Variants in ALDH1L1 observed in about 807,000 individuals in gnomAD.
ALDH1L1 encodes cytosolic 10-formyltetrahydrofolate dehydrogenase.
In ALDH1L1, 68 loss-of-function variants were observed where a neutral mutation model predicts 101.1. That is an observed-to-expected ratio of 0.67 (90% CI 0.55 to 0.82). The LOEUF (loss-of-function observed/expected upper bound fraction) is 0.82, where lower values mean the gene tolerates loss of function less well. Ranked by LOEUF, ALDH1L1 falls within the 40% of genes least tolerant of loss-of-function variation. ALDH1L1 has a pLI of 0.00. For missense variants in ALDH1L1, 1,087 were observed against 1,172.7 expected (o/e 0.93, Z 1.07); for synonymous variants, 486 against 470.8 (o/e 1.03, Z -0.42).
rs2081031550 is a variant in ALDH1L1 at position 126,160,865 on chromosome 3, C to G, written c.115G>C (p.Ala39Pro). The G allele has an allele frequency of 4.3e-6, 7 of 1,614,082 alleles. No individual in the cohort carries two copies. Among genetic ancestry groups the G allele is most frequent in the Non-Finnish European group, 5.9e-6 (7 of 1,179,942 alleles). The part of the protein sequence containing the change: ...VFTVPDKDGK[A>P]DPLGLEAEKD... Reference sequence around the variant, plus strand: ...TTGGCTCACTCACCCAGGGGGTCGGCCTTTCCATCCTTGTCTGGAACAGTG... The same window carrying G: ...TTGGCTCACTCACCCAGGGGGTCGGGCTTTCCATCCTTGTCTGGAACAGTG... The change falls in exon 2 of 23, where the codon GCC becomes CCC. Residue 39 changes from alanine (A) to proline (P), a missense_variant. Physicochemically the swap from Ala to Pro is conservative, Grantham distance 27. Around this residue, in one of 2 missense-constraint regions of ALDH1L1, gnomAD observed 645 missense variants for 637.0 expected, o/e 1.01. Coordinates refer to ENST00000393434, the MANE Select transcript of ALDH1L1 (RefSeq NM_012190.4).
At chr3:126,130,168 G>C (rs1373816160) in intron 14 of ALDH1L1, 55 bp downstream of exon 14, 2 of 1,515,800 alleles carry the variant, frequency 1.3e-6, no homozygotes, top group Non-Finnish European at 1.8e-6. Context: ...CTACAGTTCC[G>C]TGTACTGCAT....
chr3:126,153,590 G>A lies in ALDH1L1; in HGVS notation c.721-9C>T, dbSNP rs960938746. Reference sequence around the variant, plus strand: ...TTGAAAAATGTCAGTTTCTGTCAAGGGGAGAAATATCAGAAGATGGTGGGT... The same window carrying A: ...TTGAAAAATGTCAGTTTCTGTCAAGAGGAGAAATATCAGAAGATGGTGGGT... On this transcript the variant is annotated splice_polypyrimidine_tract_variant and intron_variant, in intron 6 of 22. Transcript: ENST00000393434. 1 of 1,609,604 alleles carries A rather than the reference G, an allele frequency of 6.2e-7. No individual in the cohort carries two copies. Among genetic ancestry groups the A allele is most frequent in the African/African-American group, 1.3e-5 (1 of 74,898 alleles).
At chr3:126,186,548 C>G (rs1394795134) in intron 1 of ALDH1L1, among the ~76,000 whole-genome samples, 1 of 152,204 alleles carries the variant, frequency 6.6e-6, no homozygotes, top group African/African-American at 2.4e-5. Flanking sequence ...GTGTGGAGAA[C>G]TTCATGGAAC....
At position 126,153,493 on chromosome 3, in the gene ALDH1L1, C is replaced by T; in HGVS notation, c.809G>A (p.Gly270Glu). ...GATGAGTCCTGCTTTGGTGACCACCCCTGGCCGATGGGCTCCTGGGATGGG... is the reference window on the plus strand; with the variant it reads ...GATGAGTCCTGCTTTGGTGACCACCTCTGGCCGATGGGCTCCTGGGATGGG... The part of the protein sequence containing the change: ...ALPIPGAHRP[G>E]VVTKAGLILF... The change falls in exon 7 of 23, where the codon GGG becomes GAG. Residue 270 changes from glycine (G) to glutamate (E), a missense_variant. Gly to Glu is a moderately conservative substitution (Grantham distance 98, BLOSUM62 -2). Transcript: ENST00000393434. 1 of 1,614,192 alleles carries T rather than the reference C, an allele frequency of 6.2e-7. No individual in the cohort carries two copies. Among genetic ancestry groups the T allele is most frequent in the Non-Finnish European group, 8.5e-7 (1 of 1,180,042 alleles).
chr3:126,126,629 G>T (rs2080192353), intron 14 of ALDH1L1, among the ~76,000 whole-genome samples: 1 of 152,216 alleles, frequency 6.6e-6, no homozygotes, highest in African/African-American at 2.4e-5. Context: ...ACGGGCTGCT[G>T]AGTGTTCCCA....
intron 4 of ALDH1L1, chr3:126,156,353 C>G (rs1382568600): frequency 5.3e-5 from 8 of 152,242 alleles, no homozygotes; most frequent in Admixed American, 1.3e-4. Context: ...TTTTTGTGAG[C>G]TGGTCAATCT....
chr3:126,122,068 C>A (rs181250964), intron 16 of ALDH1L1, among the ~76,000 whole-genome samples: 1 of 152,250 alleles, frequency 6.6e-6, no homozygotes, highest in East Asian at 1.9e-4. Flanking sequence ...GAGTGTCAAC[C>A]CAGAATCTTA....
chr3:126,197,320 A>G (rs1161657676), intron 1 of ALDH1L1, among the ~76,000 whole-genome samples: 1 of 152,202 alleles, frequency 6.6e-6, no homozygotes, highest in African/African-American at 2.4e-5. Flanking sequence ...TACCTAAAAC[A>G]TTGGCTTTAC....
rs934612679 is a variant in ALDH1L1, at chr3:126,174,076, T to C, written c.-24+6400A>G. Among the ~76,000 whole-genome samples the C allele has an allele frequency of 2.0e-5, 3 of 152,212 alleles. No individual in the cohort carries two copies. In the South Asian group the frequency reaches 6.2e-4, roughly 32 times the overall value. On this transcript the variant is annotated intron_variant, in intron 1 of 22. Transcript: ENST00000393434. ...TTGGGGGGGCGGAGTTTCACTCTTG[T>C]TGCCCAGGCTGGAGTGCAGTGGCAC...
Position 126,136,859 on chromosome 3 carries a change from T to C in ALDH1L1, c.1249A>G (p.Thr417Ala). 2 of 1,613,050 alleles carry C rather than the reference T, an allele frequency of 1.2e-6. No individual in the cohort carries two copies. Among genetic ancestry groups the C allele is most frequent in the Non-Finnish European group, 1.7e-6 (2 of 1,179,698 alleles). Residue 417 changes from threonine to alanine, a missense_variant, in exon 11 of 23, where the codon ACT becomes GCT. Physicochemically the swap from Thr to Ala is moderately conservative, Grantham distance 58. This residue lies in a region of ALDH1L1 where 645 missense variants were observed against 637.0 expected (regional missense o/e 1.01). Transcript: ENST00000393434. Reference sequence around the variant, plus strand: ...AAGAGCTGGTGGGGCATGCGGACAGTGCGCTTGTTCACTGCCATTTCCACC... The same window carrying C: ...AAGAGCTGGTGGGGCATGCGGACAGCGCGCTTGTTCACTGCCATTTCCACC... The part of the protein sequence containing the change: ...DYVEMAVNKR[T>A]VRMPHQLFIG...
intron 1 of ALDH1L1, among the ~76,000 whole-genome samples, chr3:126,186,581 G>T (rs754122951): frequency 2.0e-5 from 3 of 152,038 alleles, no homozygotes; most frequent in Non-Finnish European, 4.4e-5. Flanking sequence ...AGCGTGTAGG[G>T]ACTGCTTGGG....
At chr3:126,193,231 T>G (rs1027604746) in intron 1 of ALDH1L1, among the ~76,000 whole-genome samples, 1 of 152,196 alleles carries the variant, frequency 6.6e-6, no homozygotes, top group Non-Finnish European at 1.5e-5. Context: ...TTCTCAGTTT[T>G]GAGAGATTGA....
intron 10 of ALDH1L1, 146 bp downstream of exon 10, chr3:126,137,667 G>A: frequency 1.7e-6 from 2 of 1,158,116 alleles, no homozygotes; most frequent in South Asian, 1.6e-5. Context: ...TATCCCGGGT[G>A]CAGGGAGAGT....
At chr3:126,131,027 T>C (rs2080289665) in intron 13 of ALDH1L1, among the ~76,000 whole-genome samples, 1 of 152,210 alleles carries the variant, frequency 6.6e-6, no homozygotes, top group South Asian at 2.1e-4. Context: ...TACAGTGCCC[T>C]GAGCAGGGAC....
chr3:126,181,887 G>A (rs1234577372), upstream of ALDH1L1, among the ~76,000 whole-genome samples: 1 of 152,190 alleles, frequency 6.6e-6, no homozygotes, highest in African/African-American at 2.4e-5. Flanking sequence ...CTACTTTCAG[G>A]CACTGTCCCC....
At chr3:126,172,996 C>T (rs1033409133) in intron 1 of ALDH1L1, among the ~76,000 whole-genome samples, 1 of 152,122 alleles carries the variant, frequency 6.6e-6, no homozygotes, top group Non-Finnish European at 1.5e-5. Context: ...TAACTAGATT[C>T]CATCTGTATG....
chr3:126,120,733 A>ATT (rs1236731856), intron 16 of ALDH1L1, among the ~76,000 whole-genome samples: 8 of 152,264 alleles, frequency 5.3e-5, no homozygotes, highest in Non-Finnish European at 4.4e-5. Flanking sequence ...TTTCTGCTCA[A>ATT]TTTTGCTATC....
chr3:126,115,342 G>A, intron 17 of ALDH1L1: 1 of 317,390 alleles, frequency 3.2e-6, no homozygotes, highest in Non-Finnish European at 6.3e-6. Flanking sequence ...CCACTGGGGA[G>A]GAGAGGCCTC....
At chr3:126,182,253 T>C (rs1403606429), upstream of ALDH1L1, among the ~76,000 whole-genome samples, 2 of 152,134 alleles carry the variant, frequency 1.3e-5, no homozygotes, top group Non-Finnish European at 2.9e-5. Context: ...TTCAAGCGAT[T>C]CTCCTGCCTT....
Sources: allele counts gnomAD v4.1 joint callset (sites outside exome capture counted in the v4.1 genomes callset), GRCh38; gene constraint gnomAD v4.1.1; regional missense constraint gnomAD v4.1.1; transcripts MANE v1.5; gene names NCBI Gene and HGNC (gene_info 2026-07-23, HGNC 2026-07-21).